MAPK10: variants seen among roughly 807,000 people sequenced by gnomAD.
MAPK10 encodes JNK3 alpha protein kinase.
A neutral mutation model predicts 59.3 loss-of-function variants in MAPK10; 25 were observed. The observed-to-expected ratio is 0.42, with a 90% CI of 0.31 to 0.59. The LOEUF (loss-of-function observed/expected upper bound fraction) is 0.59, where lower values mean the gene tolerates loss of function less well. MAPK10 is among the 20% of genes least tolerant of loss of function. The probability of loss-of-function intolerance (pLI) is 0.15; values close to 1 mark genes in which losing one functional copy is unlikely to be tolerated. For missense variants in MAPK10, 351 were observed against 568.9 expected, an observed-to-expected ratio of 0.62 and a Z score of 3.90; for synonymous variants, 190 against 200.5, an observed-to-expected ratio of 0.95 and a Z score of 0.44.
chr4:86,460,944 C>T (rs778913514), intron 1 of MAPK10, among the ~76,000 whole-genome samples: 1 of 152,076 alleles, frequency 6.6e-6, no homozygotes, highest in Non-Finnish European at 1.5e-5. Context: ...CCCTGAATTC[C>T]CTCTCCACAT....
At chr4:86,112,184 TG>T (rs1422310052) in intron 4 of MAPK10, among the ~76,000 whole-genome samples, 1 of 151,924 alleles carries the variant, frequency 6.6e-6, no homozygotes, top group Non-Finnish European at 1.5e-5. Context: ...CATTGATTTT[TG>T]TGAAGGATTT....
intron 2 of MAPK10, among the ~76,000 whole-genome samples, chr4:86,275,564 T>G (rs2094550856): frequency 6.6e-6 from 1 of 152,020 alleles, no homozygotes; most frequent in Non-Finnish European, 1.5e-5. Context: ...TGCCCCAGCC[T>G]AAAGATCCTA....
chr4:86,461,189 C>T (rs983870110), intron 1 of MAPK10, among the ~76,000 whole-genome samples: 5 of 151,912 alleles, frequency 3.3e-5, no homozygotes, highest in Middle Eastern at 3.2e-3. Flanking sequence ...TGACCAAGGC[C>T]TGTGACAAAG....
chr4:86,218,541 C>T (rs1299357530), intron 2 of MAPK10, among the ~76,000 whole-genome samples: 3 of 102,692 alleles, frequency 2.9e-5, no homozygotes, highest in East Asian at 3.1e-4. Flanking sequence ...TATCATAACA[C>T]ATATGGGCAT....
intron 1 of MAPK10, among the ~76,000 whole-genome samples, chr4:86,448,330 A>T (rs190672742): frequency 6.6e-4 from 100 of 151,980 alleles, no homozygotes; most frequent in Middle Eastern, 3.4e-3. Flanking sequence ...AGAATTTTCT[A>T]GTCTATTGTT....
chr4:86,195,540 G>A (rs1437451883), intron 2 of MAPK10, among the ~76,000 whole-genome samples: 1 of 152,090 alleles, frequency 6.6e-6, no homozygotes, highest in Non-Finnish European at 1.5e-5. Flanking sequence ...GTCTGCTGAT[G>A]TCTGATGACT....
intron 1 of MAPK10, among the ~76,000 whole-genome samples, chr4:86,530,859 C>T (rs933969660): frequency 2.6e-5 from 4 of 152,168 alleles, no homozygotes; most frequent in African/African-American, 9.7e-5. Context: ...TTCCTGTGGT[C>T]ATCTTCATAT....
At chr4:86,191,110 CTGTT>C (rs2079632988) in intron 3 of MAPK10, among the ~76,000 whole-genome samples, 1 of 152,094 alleles carries the variant, frequency 6.6e-6, no homozygotes, top group Admixed American at 6.6e-5. Flanking sequence ...GTCTGAAAGA[CTGTT>C]TGTTATGATT....
chr4:86,209,310 T>C (rs937849091), intron 2 of MAPK10, among the ~76,000 whole-genome samples: 30 of 152,226 alleles, frequency 2.0e-4, no homozygotes, highest in African/African-American at 6.7e-4. Context: ...TATTCACGTA[T>C]ATAAAATTTA....
intron 2 of MAPK10, among the ~76,000 whole-genome samples, chr4:86,220,686 A>AT (rs1377615432): frequency 6.6e-6 from 1 of 152,210 alleles, no homozygotes; most frequent in Non-Finnish European, 1.5e-5. Flanking sequence ...TTTACAAGTA[A>AT]TTTTTAACAG....
At chr4:86,568,098 G>T (rs1761193647) in intron 1 of MAPK10, among the ~76,000 whole-genome samples, 1 of 151,942 alleles carries the variant, frequency 6.6e-6, no homozygotes, top group Non-Finnish European at 1.5e-5. Flanking sequence ...TTCAGCAAAG[G>T]TACAGGATAC....
At position 86,338,604 on chromosome 4, in the gene MAPK10, T is replaced by C. The variant is rs1205614045; in HGVS notation, c.-7+15926A>G. Among the ~76,000 whole-genome samples, 3 of 152,208 alleles carry C rather than the reference T, an allele frequency of 2.0e-5. No individual in the cohort carries two copies. In the East Asian group the frequency reaches 5.8e-4, roughly 29 times the overall value. On this transcript the variant is annotated intron_variant, in intron 2 of 13. Transcript: ENST00000641462. ...GATAAATACACAGCAGTGTACTATT[T>C]TATAGACACATGTTTTTCTTGTACG...
chr4:86,569,020 A>G (rs1761266404), intron 1 of MAPK10, among the ~76,000 whole-genome samples: 2 of 152,188 alleles, frequency 1.3e-5, no homozygotes, highest in Admixed American at 6.5e-5. Context: ...CAACCTACAG[A>G]ATCAGAGAAA....
intron 1 of MAPK10, among the ~76,000 whole-genome samples, chr4:86,569,784 C>T (rs1252524597): frequency 1.3e-5 from 2 of 151,952 alleles, no homozygotes; most frequent in Non-Finnish European, 2.9e-5. Context: ...GAGTAATAGA[C>T]ACTGGGAATT....
intron 11 of MAPK10, among the ~76,000 whole-genome samples, chr4:86,037,428 G>A (rs976249329): frequency 2.6e-5 from 4 of 151,958 alleles, no homozygotes; most frequent in East Asian, 3.9e-4. Context: ...GCTGAGGCAG[G>A]AGAATGGCAT....
intron 1 of MAPK10, among the ~76,000 whole-genome samples, chr4:86,467,012 G>A (rs1752263122): frequency 6.6e-6 from 1 of 152,218 alleles, no homozygotes; most frequent in Admixed American, 6.5e-5. Flanking sequence ...TGAAGATGAT[G>A]TGGAACAGAG....
Position 86,107,314 on chromosome 4 carries a change from A to C in MAPK10, c.275T>G (p.Ile92Ser). The change falls in exon 5 of 14, where the codon ATT becomes AGT. Residue 92 changes from isoleucine (I) to serine (S), a missense_variant. Physicochemically the swap from Ile to Ser is moderately radical, Grantham distance 142. This residue lies in a region of MAPK10 where 51 missense variants were observed against 72.7 expected (regional missense o/e 0.70). Coordinates refer to ENST00000641462, the MANE Select transcript of MAPK10 (RefSeq NM_138982.4). ...YDAVLDRNVA[I>S]KKLSRPFQNQ... ...CTGAAAGGGTCTGCTGAGCTTCTTA[A>C]TGGCCACATTTCTGTCAAGGACAGC... The C allele has an allele frequency of 6.2e-7, 1 of 1,613,270 alleles. No homozygotes were observed. Among genetic ancestry groups the C allele is most frequent in the Non-Finnish European group, 8.5e-7 (1 of 1,179,476 alleles).
chr4:86,122,274 A>G (rs892666386), intron 4 of MAPK10, among the ~76,000 whole-genome samples: 2 of 152,256 alleles, frequency 1.3e-5, no homozygotes, highest in African/African-American at 2.4e-5. Context: ...TTGGCTAACT[A>G]TCTCAAAACA....
At chr4:86,164,561 T>C (rs1053514845) in intron 3 of MAPK10, 1 of 152,110 alleles carries the variant, frequency 6.6e-6, no homozygotes, top group Admixed American at 6.5e-5. Context: ...CTTTATATAA[T>C]AAACCTGAAA....
Sources: gnomAD v4.1 joint callset for allele counts (sites outside exome capture counted in the v4.1 genomes callset) on GRCh38, gnomAD v4.1.1 for gene constraint, gnomAD v4.1.1 regional missense constraint, MANE v1.5 for transcripts, NCBI Gene and HGNC (gene_info 2026-07-23, HGNC 2026-07-21) for gene names.